The following TEX36 variants were observed in gnomAD, a reference collection of about 807,000 sequenced individuals.
The protein encoded by TEX36 is testis-expressed protein 36.
A neutral mutation model predicts 13.6 loss-of-function variants in TEX36; 12 were observed. The ratio of observed to expected loss-of-function variants is 0.88; its 90% CI spans 0.56 to 1.43. The LOEUF (loss-of-function observed/expected upper bound fraction) is 1.43. Among genes scored for constraint, TEX36 ranks in the 40% most tolerant of loss-of-function variants. TEX36 has a pLI of 0.00. For missense variants in TEX36, 224 were observed against 228.3 expected, an observed-to-expected ratio of 0.98 and a Z score of 0.12; for synonymous variants, 93 against 83.0, an observed-to-expected ratio of 1.12 and a Z score of -0.65.
downstream of TEX36, among the ~76,000 whole-genome samples, chr10:125,655,107 A>G (rs1457250235): frequency 6.6e-6 from 1 of 152,226 alleles, no homozygotes; most frequent in African/African-American, 2.4e-5. Flanking sequence ...GTCTATTCTT[A>G]TAACACTGCA....
downstream of TEX36, among the ~76,000 whole-genome samples, chr10:125,618,942 T>TAAAAAAAAAAAAAAAAAAAA (rs11452140): frequency 2.5e-4 from 11 of 43,586 alleles, no homozygotes; most frequent in African/African-American, 1.1e-3. Context: ...CCGTCTCTAC[T>TAAAAAAAAAAAAAAAAAAAA]AAAAAAAAAA....
chr10:125,622,983 G>C (rs1175370885), intron 3 of TEX36, among the ~76,000 whole-genome samples: 1 of 152,198 alleles, frequency 6.6e-6, no homozygotes, highest in Non-Finnish European at 1.5e-5. Flanking sequence ...ACAGTAACAG[G>C]AAGCAAAAAT....
chr10:125,638,797 A>C (rs753255521), intron 3 of TEX36, among the ~76,000 whole-genome samples: 4 of 152,238 alleles, frequency 2.6e-5, no homozygotes, highest in African/African-American at 9.6e-5. Context: ...TGTGCAGGTC[A>C]CTGCACTCCA....
At chr10:125,580,150 A>C (rs886507194) in intron 3 of TEX36, among the ~76,000 whole-genome samples, 1 of 152,180 alleles carries the variant, frequency 6.6e-6, no homozygotes, top group Non-Finnish European at 1.5e-5. Flanking sequence ...CTCTCCAACC[A>C]ATGGCTGCTT....
intron 1 of TEX36, among the ~76,000 whole-genome samples, chr10:125,665,839 A>G (rs1015592855): frequency 6.6e-6 from 1 of 152,194 alleles, no homozygotes; most frequent in Admixed American, 6.5e-5. Flanking sequence ...GGAGCATGAG[A>G]TATTTTTCCA....
At chr10:125,591,364 C>T (rs182941420) in intron 3 of TEX36, among the ~76,000 whole-genome samples, 36 of 152,268 alleles carry the variant, frequency 2.4e-4, no homozygotes, top group African/African-American at 6.7e-4. Flanking sequence ...CCCAAATCCC[C>T]CCAAACCCTT....
chr10:125,581,048 G>A (rs1054640606), intron 3 of TEX36, among the ~76,000 whole-genome samples: 3 of 152,084 alleles, frequency 2.0e-5, no homozygotes, highest in African/African-American at 7.2e-5. Flanking sequence ...GAAGGTGTTG[G>A]TGCCCACTCC....
intron 1 of TEX36, among the ~76,000 whole-genome samples, chr10:125,681,573 T>C (rs751590125): frequency 6.6e-6 from 1 of 152,248 alleles, no homozygotes; most frequent in Non-Finnish European, 1.5e-5. Context: ...ATATTATGTC[T>C]ATGTTATATG....
downstream of TEX36, among the ~76,000 whole-genome samples, chr10:125,652,223 A>G (rs1239899998): frequency 6.6e-6 from 1 of 152,220 alleles, no homozygotes; most frequent in Admixed American, 6.5e-5. Flanking sequence ...TGGAGGCATC[A>G]TGCTACCTAA....
intron 1 of TEX36, among the ~76,000 whole-genome samples, chr10:125,672,187 G>C (rs1286639015): frequency 1.3e-5 from 2 of 151,974 alleles, no homozygotes; most frequent in African/African-American, 4.8e-5. Flanking sequence ...GGGTTCATTT[G>C]CTCTTAGTTC....
intron 3 of TEX36, among the ~76,000 whole-genome samples, chr10:125,634,818 G>A (rs533806734): frequency 6.6e-6 from 1 of 152,172 alleles, no homozygotes; most frequent in Non-Finnish European, 1.5e-5. Context: ...GGTAGATAGA[G>A]TGAAGTACTG....
downstream of TEX36, among the ~76,000 whole-genome samples, chr10:125,655,135 T>A (rs879144267): frequency 6.6e-6 from 1 of 152,112 alleles, no homozygotes; most frequent in Non-Finnish European, 1.5e-5. Flanking sequence ...CAAGACACAT[T>A]ATTAAGTATC....
chr10:125,653,644 A>G (rs1846899753), downstream of TEX36, among the ~76,000 whole-genome samples: 1 of 152,092 alleles, frequency 6.6e-6, no homozygotes, highest in Non-Finnish European at 1.5e-5. Context: ...AATAATAATA[A>G]TAAAAATTTT....
intron 3 of TEX36, among the ~76,000 whole-genome samples, chr10:125,612,520 T>C (rs539123625): frequency 1.3e-5 from 2 of 152,336 alleles, no homozygotes; most frequent in South Asian, 4.1e-4. Flanking sequence ...TTTACATATG[T>C]ATGTATATAT....
At chr10:125,628,134 A>C (rs992898738) in intron 3 of TEX36, among the ~76,000 whole-genome samples, 2 of 152,218 alleles carry the variant, frequency 1.3e-5, no homozygotes, top group African/African-American at 4.8e-5. Flanking sequence ...TGAAGGAAAA[A>C]AATGCAAGTG....
chr10:125,602,789 A>G (rs972413308), intron 3 of TEX36, among the ~76,000 whole-genome samples: 8 of 152,242 alleles, frequency 5.3e-5, no homozygotes, highest in African/African-American at 1.9e-4. Context: ...TTATATTTCT[A>G]TGCCATATAG....
At chr10:125,611,016 T>C (rs1316060618) in intron 3 of TEX36, among the ~76,000 whole-genome samples, 2 of 152,236 alleles carry the variant, frequency 1.3e-5, no homozygotes, top group African/African-American at 2.4e-5. Context: ...TTTTCAGTTG[T>C]GTAACCTGCC....
intron 3 of TEX36, among the ~76,000 whole-genome samples, chr10:125,600,776 C>T (rs1846136070): frequency 6.6e-6 from 1 of 152,194 alleles, no homozygotes; most frequent in African/African-American, 2.4e-5. Flanking sequence ...ACGGAATGAC[C>T]TGAAAGCCTC....
Position 125,664,218 on chromosome 10 carries a change from T to C in TEX36, c.52-2241A>G, listed in dbSNP as rs371738177. 2.2e-3 allele frequency among the ~76,000 whole-genome samples: 339 copies of C among 152,310 alleles called. 2 individuals are homozygous for C. Among genetic ancestry groups the C allele is most frequent in the African/African-American group, 7.7e-3 (322 of 41,564 alleles). On this transcript the variant is annotated intron_variant, in intron 1 of 3. Transcript: ENST00000368821. ...AGTACTTCATTTTGTATGTGTACCA[T>C]ATTTCTTTATCCATTCATCTATTGA...
Sources: gnomAD v4.1 joint callset for allele counts (sites outside exome capture counted in the v4.1 genomes callset) on GRCh38, gnomAD v4.1.1 for gene constraint, MANE v1.5 for transcripts, NCBI Gene and HGNC (gene_info 2026-07-23, HGNC 2026-07-21) for gene names.